Variants in OTUD7A observed in about 807,000 individuals in gnomAD.
The protein encoded by OTUD7A is OTU domain-containing protein 7A.
Under a neutral mutation model 65.7 loss-of-function variants are expected in OTUD7A, and 12 were observed. The ratio of observed to expected loss-of-function variants is 0.18; its 90% CI spans 0.12 to 0.30. The LOEUF is 0.30. OTUD7A is among the 10% of genes least tolerant of loss of function. The pLI is 1.00. For missense variants in OTUD7A, 1,148 were observed against 1,304.8 expected (o/e 0.88, Z 1.85); for synonymous variants, 641 against 586.3 (o/e 1.09, Z -1.35).
chr15:31,833,885 G>A (rs990599266), intron 1 of OTUD7A, among the ~76,000 whole-genome samples: 23 of 152,218 alleles, frequency 1.5e-4, no homozygotes, highest in African/African-American at 5.3e-4. Flanking sequence ...ACAAGCCATA[G>A]AGAAGATGGC....
At chr15:31,812,127 C>T (rs1689230875) in intron 1 of OTUD7A, among the ~76,000 whole-genome samples, 1 of 152,174 alleles carries the variant, frequency 6.6e-6, no homozygotes, top group African/African-American at 2.4e-5. Flanking sequence ...TGCAAGTGGA[C>T]CCCGGCTTCT....
intron 1 of OTUD7A, among the ~76,000 whole-genome samples, chr15:31,783,445 G>A (rs921224939): frequency 6.6e-5 from 10 of 152,164 alleles, no homozygotes; most frequent in Admixed American, 2.6e-4. Flanking sequence ...GGAAGAAGCC[G>A]CACAAATTAA....
At chr15:31,501,559 T>C in intron 10 of OTUD7A, 131 bp downstream of exon 10, 1 of 1,161,894 alleles carries the variant, frequency 8.6e-7, no homozygotes, top group Non-Finnish European at 1.2e-6. Flanking sequence ...AAACTGTCAC[T>C]GCTGAGTGTG....
At chr15:31,864,618 C>T (rs1034546043) in intron 1 of OTUD7A, among the ~76,000 whole-genome samples, 3 of 152,150 alleles carry the variant, frequency 2.0e-5, no homozygotes, top group African/African-American at 7.2e-5. Flanking sequence ...TCCCACAACA[C>T]ATGGAAGTTC....
At chr15:31,622,504 A>G (rs12916773) in intron 3 of OTUD7A, among the ~76,000 whole-genome samples, 43,603 of 151,912 alleles carry the variant, frequency 0.29, 7,388 homozygotes, top group African/African-American at 0.47. Flanking sequence ...CTTGCTTCAT[A>G]TCATTCATTT....
At chr15:31,621,709 C>T (rs1890789519) in intron 3 of OTUD7A, among the ~76,000 whole-genome samples, 1 of 151,876 alleles carries the variant, frequency 6.6e-6, no homozygotes, top group African/African-American at 2.4e-5. Context: ...TGTCTCTTGA[C>T]TCTTTATCCT....
At chr15:31,508,398 G>C (rs1274591488) in intron 8 of OTUD7A, among the ~76,000 whole-genome samples, 1 of 66,958 alleles carries the variant, frequency 1.5e-5, no homozygotes, top group African/African-American at 9.1e-5. Context: ...ACCCAGGCTG[G>C]AGTGCAGTGG....
At chr15:31,868,865 C>T (rs147163094) in intron 1 of OTUD7A, among the ~76,000 whole-genome samples, 84 of 152,304 alleles carry the variant, frequency 5.5e-4, no homozygotes, top group African/African-American at 1.9e-3. Flanking sequence ...TCTTTTCACA[C>T]CAATACAGGG....
intron 1 of OTUD7A, among the ~76,000 whole-genome samples, chr15:31,729,507 G>A (rs1451914930): frequency 1.3e-5 from 2 of 152,214 alleles, no homozygotes; most frequent in Admixed American, 6.5e-5. Context: ...GCTACTGAGT[G>A]TGGCCCTTTT....
intron 3 of OTUD7A, among the ~76,000 whole-genome samples, chr15:31,575,057 T>C (rs528069078): frequency 6.6e-6 from 1 of 152,302 alleles, no homozygotes; most frequent in Non-Finnish European, 1.5e-5. Context: ...GCCTCCTGAC[T>C]GTGAAACAGA....
intron 3 of OTUD7A, among the ~76,000 whole-genome samples, chr15:31,579,097 G>A (rs1027546722): frequency 3.3e-5 from 5 of 152,110 alleles, no homozygotes; most frequent in Non-Finnish European, 5.9e-5. Flanking sequence ...GACAGTTGTC[G>A]ATTTGGGAAA....
At chr15:31,503,881 G>T in intron 8 of OTUD7A, 63 bp from the exon 9 acceptor site, 1 of 1,593,416 alleles carries the variant, frequency 6.3e-7, no homozygotes, top group Non-Finnish European at 8.6e-7. Context: ...GGAGAAAGTG[G>T]GGACTGCTTC....
chr15:31,642,477 T>C (rs1891545591), intron 3 of OTUD7A, among the ~76,000 whole-genome samples: 3 of 152,214 alleles, frequency 2.0e-5, no homozygotes, highest in African/African-American at 7.2e-5. Context: ...TTTTTCTTTA[T>C]ATGTGTGGTA....
intron 1 of OTUD7A, among the ~76,000 whole-genome samples, chr15:31,744,391 A>G (rs528202212): frequency 6.6e-6 from 1 of 152,306 alleles, no homozygotes; most frequent in East Asian, 1.9e-4. Flanking sequence ...ATGAAAAATA[A>G]TCAAGACCAA....
In OTUD7A at chr15:31,519,120, G is replaced by C. The variant is rs1315364342; in HGVS notation, c.893+7229C>G. Among the ~76,000 whole-genome samples, 5 of 70,954 alleles carry C rather than the reference G, an allele frequency of 7.0e-5. No individual in the cohort carries two copies. In the East Asian group the frequency reaches 1.5e-3, roughly 21 times the overall value. The allele number at this position is 70,954 out of a possible 152,430, so 46.5% of individuals were successfully genotyped here. A position where few individuals can be genotyped will look rare whatever the true frequency, so the allele number is the denominator to read the frequency against. On this transcript the variant is annotated intron_variant, in intron 8 of 12. Coordinates refer to ENST00000307050, the MANE Select transcript of OTUD7A (RefSeq NM_001382637.1). ...TCCACTACAGGTCTAGCACTGTGCTGTGTGTGTGTGTGTGTGTGTGTGCAC... is the reference window on the plus strand; with the variant it reads ...TCCACTACAGGTCTAGCACTGTGCTCTGTGTGTGTGTGTGTGTGTGTGCAC...
chr15:31,526,672 G>C (rs2042019134), intron 7 of OTUD7A, among the ~76,000 whole-genome samples: 1 of 152,192 alleles, frequency 6.6e-6, no homozygotes, highest in Non-Finnish European at 1.5e-5. Context: ...GAGCTGCTGG[G>C]AATCTGCCCA....
chr15:31,839,326 G>A (rs1897130392), intron 1 of OTUD7A, among the ~76,000 whole-genome samples: 1 of 152,200 alleles, frequency 6.6e-6, no homozygotes, highest in South Asian at 2.1e-4. Flanking sequence ...CAGGACACAT[G>A]CTCACATTCC....
chr15:31,862,533 T>C (rs111715385), intron 1 of OTUD7A, among the ~76,000 whole-genome samples: 2 of 152,170 alleles, frequency 1.3e-5, no homozygotes, highest in African/African-American at 2.4e-5. Flanking sequence ...ACTTCTTACA[T>C]GGCAGTGGCA....
intron 3 of OTUD7A, among the ~76,000 whole-genome samples, chr15:31,620,905 G>C (rs1890758222): frequency 9.0e-6 from 1 of 111,272 alleles, no homozygotes; most frequent in Non-Finnish European, 1.7e-5. Context: ...TGGGCATTTA[G>C]TGCTATAAAT....
Sources: allele counts gnomAD v4.1 joint callset (sites outside exome capture counted in the v4.1 genomes callset), GRCh38; gene constraint gnomAD v4.1.1; transcripts MANE v1.5; gene names NCBI Gene and HGNC (gene_info 2026-07-23, HGNC 2026-07-21).